SMCHD1: variants seen among roughly 807,000 people sequenced by gnomAD.
The protein encoded by SMCHD1 is structural maintenance of chromosomes flexible hinge domain containing 1, also known as structural maintenance of chromosomes flexible hinge domain-containing protein 1.
A neutral mutation model predicts 254.7 loss-of-function variants in SMCHD1; 78 were observed. The observed-to-expected ratio is 0.31, with a 90% CI of 0.26 to 0.37. The LOEUF is 0.37. SMCHD1 is among the 10% of genes least tolerant of loss of function. The probability of loss-of-function intolerance (pLI) is 1.00; values close to 1 mark genes in which losing one functional copy is unlikely to be tolerated. For missense variants in SMCHD1, 1,840 were observed against 2,408.1 expected (o/e 0.76, Z 4.94); for synonymous variants, 766 against 794.9 (o/e 0.96, Z 0.61).
rs374747323 is a variant in SMCHD1 at position 2,802,545 on chromosome 18, A to G, written c.6011A>G (p.Asp2004Gly). 2.4e-5 allele frequency: 38 copies of G among 1,553,926 alleles called. No homozygotes were observed. Among genetic ancestry groups the G allele is most frequent in the Non-Finnish European group, 3.0e-5 (35 of 1,148,252 alleles). The stretch of plus-strand genomic sequence containing the variant: ...TTGACCAGGATTATAACCAAAACAG[A>G]TGTATGAGAGGTGACAGAGAGAAGA... ...TRQNRIITKTDV is the reference protein window; with the variant it reads ...TRQNRIITKTGV The change falls in exon 48 of 48, where the codon GAT (aspartate) becomes GGT (glycine). Residue 2004 changes from aspartate (D) to glycine (G), a missense_variant. Asp to Gly is a moderately conservative substitution (Grantham distance 94). Coordinates refer to ENST00000320876, the MANE Select transcript of SMCHD1 (RefSeq NM_015295.3).
intron 3 of SMCHD1, among the ~76,000 whole-genome samples, chr18:2,667,367 G>C (rs2073468768): frequency 6.6e-6 from 1 of 152,054 alleles, no homozygotes; most frequent in Non-Finnish European, 1.5e-5. Context: ...GAAAATACTT[G>C]TTTTACTTTG....
chr18:2,685,068 C>T (rs2074012347), intron 5 of SMCHD1, among the ~76,000 whole-genome samples: 1 of 149,218 alleles, frequency 6.7e-6, no homozygotes, highest in Non-Finnish European at 1.5e-5. Flanking sequence ...TGTTTTCCAA[C>T]AGCACACTGT....
At chr18:2,657,245 C>T (rs1321612211) in intron 1 of SMCHD1, among the ~76,000 whole-genome samples, 1 of 152,122 alleles carries the variant, frequency 6.6e-6, no homozygotes, top group Non-Finnish European at 1.5e-5. Flanking sequence ...AGAATGAAAA[C>T]GATTGGAGAA....
At chr18:2,730,050 C>G (rs2075106765) in intron 24 of SMCHD1, among the ~76,000 whole-genome samples, 1 of 152,116 alleles carries the variant, frequency 6.6e-6, no homozygotes, top group African/African-American at 2.4e-5. Context: ...TTTTAGAAAG[C>G]TTGGTAAATA....
intron 17 of SMCHD1, among the ~76,000 whole-genome samples, chr18:2,712,104 T>G (rs1474562618): frequency 6.6e-6 from 1 of 152,200 alleles, no homozygotes; most frequent in Non-Finnish European, 1.5e-5. Flanking sequence ...AGGTATTCCT[T>G]TACAACAACA....
rs567030718 is a variant in SMCHD1 at position 2,698,074 on chromosome 18, T to C, written c.1342+33T>C. ...AATCTGTTATCTTAGTTATAAAATA[T>C]GAAGTTGTAATTTAGGACAGTGATT... On this transcript the variant is annotated intron_variant, in intron 10 of 47. Coordinates refer to ENST00000320876, the MANE Select transcript of SMCHD1 (RefSeq NM_015295.3). The C allele has an allele frequency of 2.6e-5, 40 of 1,521,240 alleles. No individual in the cohort carries two copies. The South Asian group carries it at 3.3e-4, about 13-fold the overall frequency. The allele number at this position is 1,521,240 out of a possible 1,614,324, so 94.2% of individuals were successfully genotyped here.
intron 22 of SMCHD1, among the ~76,000 whole-genome samples, chr18:2,727,530 ATAGT>A (rs745822614): frequency 1.3e-4 from 20 of 152,206 alleles, no homozygotes; most frequent in Admixed American, 5.2e-4. Context: ...TAGTAGCTAG[ATAGT>A]TCTTTTTGTG....
intron 21 of SMCHD1, 33 bp from the exon 22 acceptor site, chr18:2,726,419 C>G (rs2075028375): frequency 8.1e-7 from 1 of 1,237,596 alleles, no homozygotes; most frequent in African/African-American, 1.5e-5. Context: ...GTATTCAGGA[C>G]TGGGTTTAAT....
chr18:2,711,288 CAG>C (rs1037624434), intron 17 of SMCHD1, among the ~76,000 whole-genome samples: 1 of 148,868 alleles, frequency 6.7e-6, no homozygotes, highest in African/African-American at 2.5e-5. Flanking sequence ...GTGGTGGAGA[CAG>C]GGTCTCCTAT....
chr18:2,759,489 A>ATTTTTTTT (rs10673696), intron 34 of SMCHD1, among the ~76,000 whole-genome samples: 3 of 117,192 alleles, frequency 2.6e-5, no homozygotes, highest in East Asian at 2.7e-4. Flanking sequence ...TTTTCAAGCA[A>ATTTTTTTT]TTTTTTTTTT....
chr18:2,662,015 C>T (rs559597701), intron 1 of SMCHD1, among the ~76,000 whole-genome samples: 12 of 142,450 alleles, frequency 8.4e-5, no homozygotes, highest in African/African-American at 2.3e-4. Flanking sequence ...AAAAATTAGC[C>T]GGGCGCGGTG....
At chr18:2,790,314 G>C (rs2076299856) in intron 45 of SMCHD1, among the ~76,000 whole-genome samples, 1 of 152,116 alleles carries the variant, frequency 6.6e-6, no homozygotes, top group African/African-American at 2.4e-5. Context: ...TCCAAAATAG[G>C]TGAGTGCAGT....
intron 41 of SMCHD1, among the ~76,000 whole-genome samples, chr18:2,773,710 T>G (rs1485902906): frequency 6.6e-6 from 1 of 152,122 alleles, no homozygotes; most frequent in African/African-American, 2.4e-5. Flanking sequence ...TTACCTGAGG[T>G]CAGGAGTTTG....
At chr18:2,705,672 T>C in intron 13 of SMCHD1, 22 bp from the exon 14 acceptor site, 1 of 1,225,526 alleles carries the variant, frequency 8.2e-7, no homozygotes, top group Non-Finnish European at 1.1e-6. Context: ...AGCTTTTTTT[T>C]TTTTTAAAAA....
intron 22 of SMCHD1, 99 bp from the exon 23 acceptor site, chr18:2,728,356 TAA>T (rs775254300): frequency 2.6e-5 from 30 of 1,173,434 alleles, no homozygotes; most frequent in Non-Finnish European, 3.4e-5. Context: ...GCAATATTTA[TAA>T]AATATTAAGT....
At chr18:2,780,084 C>A (rs753569827) in intron 44 of SMCHD1, among the ~76,000 whole-genome samples, 1 of 151,416 alleles carries the variant, frequency 6.6e-6, no homozygotes. Context: ...ACTAAAAATA[C>A]AAAAATTAGC....
In SMCHD1 at chr18:2,732,318, C is replaced by A; in HGVS notation, c.3102C>A (p.Ser1034Arg). The change falls in exon 25 of 48, where the codon AGC becomes AGA. Residue 1034 changes from serine (S) to arginine (R), a missense_variant. Physicochemically the swap from Ser to Arg is moderately radical, Grantham distance 110. Transcript: ENST00000320876. ...VEKTIKLLPS[S>R]HVARLQIFSV... ...AGACTATTAAGTTGCTTCCCAGTAG[C>A]CATGTTGCAAGACTACAAATATTCA... The A allele has an allele frequency of 6.2e-7, 1 of 1,613,746 alleles. No homozygotes were observed. The highest frequency in any genetic ancestry group is 8.5e-7 in the Non-Finnish European group (1 of 1,179,778).
chr18:2,674,173 G>A (rs776589580), intron 5 of SMCHD1, 28 bp downstream of exon 5: 5 of 1,479,508 alleles, frequency 3.4e-6, no homozygotes, highest in Middle Eastern at 1.8e-4. Flanking sequence ...TTTTTTTTTT[G>A]TGGGTAGCTA....
At chr18:2,695,009 T>G (rs1426419942) in intron 8 of SMCHD1, among the ~76,000 whole-genome samples, 2 of 152,094 alleles carry the variant, frequency 1.3e-5, no homozygotes, top group Admixed American at 6.6e-5. Context: ...GTTTTGTGCT[T>G]CTTTTCCATA....
Sources: gnomAD v4.1 joint callset for allele counts (sites outside exome capture counted in the v4.1 genomes callset) on GRCh38, gnomAD v4.1.1 for gene constraint, MANE v1.5 for transcripts, NCBI Gene and HGNC (gene_info 2026-07-23, HGNC 2026-07-21) for gene names.